Variants in BACE2 observed in about 807,000 individuals in gnomAD.
BACE2 encodes the protein beta-secretase 2.
BACE2 carries 17 observed loss-of-function variants against 46.2 expected under a neutral mutation model. The observed-to-expected ratio is 0.37, with a 90% CI of 0.25 to 0.55. The LOEUF is 0.55. Ranked by LOEUF, BACE2 falls within the 20% of genes least tolerant of loss-of-function variation. BACE2 has a pLI of 0.82. For missense variants in BACE2, 595 were observed against 698.1 expected (o/e 0.85, Z 1.66); for synonymous variants, 277 against 295.9 (o/e 0.94, Z 0.66).
At chr21:41,203,252 G>A (rs1366905006) in intron 1 of BACE2, among the ~76,000 whole-genome samples, 2 of 152,114 alleles carry the variant, frequency 1.3e-5, no homozygotes, top group South Asian at 2.1e-4. Flanking sequence ...GTAGGGAAGT[G>A]TCACAAGTTC....
intron 7 of BACE2, chr21:41,252,403 TCAAA>T (rs1987667219): frequency 6.6e-6 from 1 of 152,240 alleles, no homozygotes; most frequent in African/African-American, 2.4e-5. Context: ...AAGACTCAAC[TCAAA>T]CAACCCAGCT....
At chr21:41,172,824 G>A (rs1362714320) in intron 1 of BACE2, among the ~76,000 whole-genome samples, 2 of 152,172 alleles carry the variant, frequency 1.3e-5, no homozygotes, top group East Asian at 3.9e-4. Flanking sequence ...ATAGAAACTT[G>A]TTCTCATAAT....
intron 8 of BACE2, among the ~76,000 whole-genome samples, chr21:41,270,756 T>A (rs1169943223): frequency 6.6e-6 from 1 of 152,248 alleles, no homozygotes; most frequent in East Asian, 1.9e-4. Flanking sequence ...TAAATATTTC[T>A]TGTGCTCTTG....
At position 41,180,220 on chromosome 21, in the gene BACE2, G is replaced by A. The variant is rs150501694; in HGVS notation, c.312+11645G>A. 2.3e-3 allele frequency: 475 copies of A among 204,306 alleles called. 5 individuals carry two copies. The highest frequency in any genetic ancestry group is 0.011 in the African/African-American group (444 of 42,122). The allele number at this position is 204,306 out of a possible 1,614,324, so 12.7% of individuals were successfully genotyped here. ...ATGGTGAACTGACTTGACACAGGTCGGTGTGTCCTATGGAAACTAGCATCT... is the reference window on the plus strand; with the variant it reads ...ATGGTGAACTGACTTGACACAGGTCAGTGTGTCCTATGGAAACTAGCATCT... On this transcript the variant is annotated intron_variant, in intron 1 of 8. Transcript: ENST00000330333.
chr21:41,175,982 GC>G (rs1337686088), intron 1 of BACE2: 2 of 152,214 alleles, frequency 1.3e-5, no homozygotes, highest in African/African-American at 4.8e-5. Flanking sequence ...AGAGCTAGGT[GC>G]TTTGGGTACT....
At chr21:41,180,157 C>A in intron 1 of BACE2, 1 of 217,322 alleles carries the variant, frequency 4.6e-6, no homozygotes, top group Non-Finnish European at 1.0e-5. Flanking sequence ...CAGACATTTC[C>A]AGGGTGAGGG....
chr21:41,184,904 T>C (rs1985315490), intron 1 of BACE2: 2 of 167,032 alleles, frequency 1.2e-5, no homozygotes, highest in African/African-American at 2.4e-5. Context: ...ATAAGCCTAA[T>C]CGTAAAATAT....
chr21:41,245,917 C>T (rs377165075), intron 5 of BACE2, 45 bp from the exon 6 acceptor site: 17 of 1,464,682 alleles, frequency 1.2e-5, no homozygotes, highest in Middle Eastern at 1.9e-4. Flanking sequence ...GGGCGGGGAG[C>T]GCCACTGTCA....
chr21:41,204,768 A>G (rs567922332), intron 1 of BACE2, among the ~76,000 whole-genome samples: 2 of 152,316 alleles, frequency 1.3e-5, no homozygotes, highest in East Asian at 1.9e-4. Flanking sequence ...TGCATCTGTC[A>G]TTTCTCTTCT....
chr21:41,243,603 C>T lies in BACE2; in HGVS notation c.882+93C>T. ...AACCCGTAGATGCCAATAGAAGGTACATTACCTCGTAAGATAAAGGCTCAT... is the reference window on the plus strand; with the variant it reads ...AACCCGTAGATGCCAATAGAAGGTATATTACCTCGTAAGATAAAGGCTCAT... On this transcript the variant is annotated intron_variant, in intron 5 of 8. Coordinates refer to ENST00000330333, the MANE Select transcript of BACE2 (RefSeq NM_012105.5). The T allele has an allele frequency of 2.3e-6, 3 of 1,305,428 alleles. No homozygotes were observed. In the South Asian group the frequency reaches 5.7e-5, roughly 25 times the overall value. The allele number at this position is 1,305,428 out of a possible 1,614,324, so 80.9% of individuals were successfully genotyped here. A position where few individuals can be genotyped will look rare whatever the true frequency, so the allele number is the denominator to read the frequency against.
chr21:41,172,479 G>A (rs1373378175), intron 1 of BACE2, among the ~76,000 whole-genome samples: 6 of 152,222 alleles, frequency 3.9e-5, no homozygotes, highest in African/African-American at 7.2e-5. Context: ...CAGGGTAACC[G>A]AGGCTTGGAG....
At chr21:41,221,827 C>CAAAAAAA (rs58502168) in intron 1 of BACE2, among the ~76,000 whole-genome samples, 2 of 98,730 alleles carry the variant, frequency 2.0e-5, no homozygotes, top group African/African-American at 6.3e-5. Context: ...GACTCTGTCT[C>CAAAAAAA]AAAAAAAAAA....
intron 2 of BACE2, among the ~76,000 whole-genome samples, chr21:41,229,394 T>C (rs1385875216): frequency 6.6e-6 from 1 of 152,180 alleles, no homozygotes; most frequent in Non-Finnish European, 1.5e-5. Flanking sequence ...GTTAGGGTGA[T>C]GTGGATGGTG....
At chr21:41,253,332 C>T (rs886272170) in intron 7 of BACE2, among the ~76,000 whole-genome samples, 2 of 151,560 alleles carry the variant, frequency 1.3e-5, no homozygotes, top group Non-Finnish European at 1.5e-5. Flanking sequence ...ATCCCAGCTA[C>T]CTGGGAGGCT....
chr21:41,258,367 T>A (rs1261333507), intron 8 of BACE2, among the ~76,000 whole-genome samples: 2 of 152,226 alleles, frequency 1.3e-5, no homozygotes, highest in African/African-American at 4.8e-5. Flanking sequence ...TATGAGACGC[T>A]GTTGGAGGAC....
At chr21:41,232,635 G>T (rs1450135607) in intron 2 of BACE2, among the ~76,000 whole-genome samples, 4 of 151,984 alleles carry the variant, frequency 2.6e-5, no homozygotes, top group African/African-American at 9.7e-5. Context: ...AAAGGAGCCA[G>T]GCACCTCCTC....
At chr21:41,210,564 A>G (rs1986266940) in intron 1 of BACE2, among the ~76,000 whole-genome samples, 1 of 152,150 alleles carries the variant, frequency 6.6e-6, no homozygotes, top group African/African-American at 2.4e-5. Context: ...CCAGATTCAA[A>G]TGACTGCAGC....
chr21:41,226,818 C>T (rs180727632), intron 2 of BACE2, among the ~76,000 whole-genome samples: 2 of 152,252 alleles, frequency 1.3e-5, no homozygotes, highest in Admixed American at 1.3e-4. Flanking sequence ...GTAGGGGTTA[C>T]GGTGTGGTTC....
At chr21:41,223,838 A>C (rs541659593) in intron 1 of BACE2, among the ~76,000 whole-genome samples, 1 of 152,180 alleles carries the variant, frequency 6.6e-6, no homozygotes, top group Admixed American at 6.5e-5. Context: ...CGAGAGGTAC[A>C]CTTGGGGTTC....
Sources: gnomAD v4.1 joint callset for allele counts (sites outside exome capture counted in the v4.1 genomes callset) on GRCh38, gnomAD v4.1.1 for gene constraint, MANE v1.5 for transcripts, NCBI Gene and HGNC (gene_info 2026-07-23, HGNC 2026-07-21) for gene names.